Variants in IL4I1 observed in about 807,000 individuals in gnomAD.
IL4I1 encodes the protein L-amino-acid oxidase.
IL4I1 carries 24 observed loss-of-function variants against 29.7 expected under a neutral mutation model. The ratio of observed to expected loss-of-function variants is 0.81; its 90% confidence interval spans 0.59 to 1.14. IL4I1 has a LOEUF of 1.14. Among genes scored for constraint, IL4I1 ranks in the 50% most tolerant of loss-of-function variants. IL4I1 has a pLI of 0.00. For missense variants in IL4I1, 686 were observed against 785.6 expected (o/e 0.87, Z 1.52); for synonymous variants, 371 against 352.5 (o/e 1.05, Z -0.59).
intron 2 of IL4I1, among the ~76,000 whole-genome samples, chr19:49,926,882 G>T (rs1483762751): frequency 1.4e-5 from 2 of 144,908 alleles, no homozygotes; most frequent in African/African-American, 5.1e-5. Context: ...TTGAGACGAG[G>T]TCTCACTCTG....
At chr19:49,906,476 T>G (rs981390305) in intron 2 of IL4I1, among the ~76,000 whole-genome samples, 4 of 152,186 alleles carry the variant, frequency 2.6e-5, no homozygotes, top group African/African-American at 9.7e-5. Flanking sequence ...CCTCCCAAAG[T>G]GCTGGGATTA....
chr19:49,908,677 G>A (rs1450352055), intron 2 of IL4I1: 8 of 1,612,090 alleles, frequency 5.0e-6, no homozygotes, highest in East Asian at 2.2e-5. Flanking sequence ...TCTCCACCTC[G>A]CGGTGCAGGC....
At chr19:49,904,802 C>T (rs745813060) in intron 2 of IL4I1, among the ~76,000 whole-genome samples, 2 of 151,898 alleles carry the variant, frequency 1.3e-5, no homozygotes, top group Non-Finnish European at 1.5e-5. Context: ...CTCCGCCTCC[C>T]GGGTTCATGC....
upstream of IL4I1, among the ~76,000 whole-genome samples, chr19:49,898,063 A>G (rs4802635): frequency 0.57 from 86,503 of 152,166 alleles, 24,864 homozygotes; most frequent in South Asian, 0.71. Context: ...GCTCACGCCT[A>G]TAATCCCAGC....
intron 4 of IL4I1, among the ~76,000 whole-genome samples, chr19:49,894,856 C>T (rs769940805): frequency 1.3e-4 from 20 of 152,002 alleles, no homozygotes; most frequent in Non-Finnish European, 2.4e-4. Context: ...CAGGCAGGGC[C>T]AGCTGGAGGT....
At chr19:49,894,886 C>T (rs1435818682) in intron 4 of IL4I1, among the ~76,000 whole-genome samples, 182 bp downstream of exon 4, 1 of 151,882 alleles carries the variant, frequency 6.6e-6, no homozygotes, top group South Asian at 2.1e-4. Flanking sequence ...CCAGGTGGCC[C>T]GAGTGTTGCC....
rs1600459319 is a variant in IL4I1, at chr19:49,889,706, A to C, written c.1668T>G (p.Ser556=). 6.6e-6 allele frequency: 10 copies of C among 1,508,176 alleles called. No individual in the cohort carries two copies. In the South Asian group the frequency reaches 1.2e-4, roughly 18 times the overall value. The allele number at this position is 1,508,176 out of a possible 1,614,324, so 93.4% of individuals were successfully genotyped here. A position where few individuals can be genotyped will look rare whatever the true frequency, so the allele number is the denominator to read the frequency against. Residue 556 remains serine (S), a synonymous_variant, in exon 8 of 8, where the codon TCT becomes TCG. Transcript: ENST00000391826. ...GSHPPVQGQL[S]LQNTTHTRTS... ...TCCTCGTGTGGGTCGTGTTTTGGAGAGATAACTGGCCTTGGACTGGAGGGT... is the reference window on the plus strand; with the variant it reads ...TCCTCGTGTGGGTCGTGTTTTGGAGCGATAACTGGCCTTGGACTGGAGGGT...
upstream of IL4I1, among the ~76,000 whole-genome samples, chr19:49,900,787 G>T (rs1207600644): frequency 2.0e-5 from 3 of 152,206 alleles, no homozygotes; most frequent in African/African-American, 7.2e-5. Flanking sequence ...GGGTATTCTG[G>T]TTTTTTGATG....
At chr19:49,927,479 G>C (rs777760333) in intron 2 of IL4I1, among the ~76,000 whole-genome samples, 13 of 152,182 alleles carry the variant, frequency 8.5e-5, no homozygotes, top group Non-Finnish European at 1.5e-4. Context: ...GCCGCATGCA[G>C]GCCCACGGGT....
upstream of IL4I1, among the ~76,000 whole-genome samples, chr19:49,899,505 C>T (rs2075251135): frequency 6.6e-6 from 1 of 152,060 alleles, no homozygotes; most frequent in Admixed American, 6.5e-5. Flanking sequence ...CCACCTCAGC[C>T]TCCCTAGTAG....
At chr19:49,895,255 G>T in intron 3 of IL4I1, 75 bp from the exon 4 acceptor site, 2 of 1,205,318 alleles carry the variant, frequency 1.7e-6, no homozygotes, top group Non-Finnish European at 2.4e-6. Context: ...ACCACCCCGT[G>T]CCAGCCCCCT....
intron 2 of IL4I1, among the ~76,000 whole-genome samples, chr19:49,916,713 G>A (rs934986072): frequency 2.0e-5 from 3 of 151,240 alleles, no homozygotes; most frequent in African/African-American, 7.3e-5. Context: ...GCAGTAAGCC[G>A]AGATCACACC....
At chr19:49,898,793 C>T (rs998245430), upstream of IL4I1, among the ~76,000 whole-genome samples, 2 of 152,134 alleles carry the variant, frequency 1.3e-5, no homozygotes, top group African/African-American at 4.8e-5. Flanking sequence ...CGCTTGAACC[C>T]GGGAGGCAGA....
At chr19:49,902,325 A>C (rs1367844357) in intron 3 of IL4I1, among the ~76,000 whole-genome samples, 1 of 149,778 alleles carries the variant, frequency 6.7e-6, no homozygotes, top group South Asian at 2.1e-4. Flanking sequence ...AAAAACTACA[A>C]TATCATTATC....
intron 2 of IL4I1, among the ~76,000 whole-genome samples, chr19:49,920,791 C>T (rs961152929): frequency 6.6e-6 from 1 of 152,198 alleles, no homozygotes; most frequent in Admixed American, 6.5e-5. Context: ...GGGACTGAGG[C>T]ATCAGGGCTG....
At chr19:49,907,519 G>A in intron 2 of IL4I1, 1 of 433,928 alleles carries the variant, frequency 2.3e-6, no homozygotes, top group Non-Finnish European at 4.5e-6. Context: ...AAACTAGGCT[G>A]CTGTCTCCTG....
upstream of IL4I1, among the ~76,000 whole-genome samples, chr19:49,901,402 A>AC (rs1235045482): frequency 6.6e-6 from 1 of 151,924 alleles, no homozygotes; most frequent in Non-Finnish European, 1.5e-5. Flanking sequence ...AACAAAACAA[A>AC]ACAAACACAA....
intron 2 of IL4I1, among the ~76,000 whole-genome samples, chr19:49,914,727 T>TTTTG (rs1491224363): frequency 1.1e-4 from 4 of 36,188 alleles, no homozygotes; most frequent in Admixed American, 7.3e-4. Flanking sequence ...CAAGTCCCAG[T>TTTTG]TTTTTTTTTT....
chr19:49,894,221 G>A (rs1282721959), intron 5 of IL4I1, 47 bp downstream of exon 5: 1 of 1,569,674 alleles, frequency 6.4e-7, no homozygotes, highest in Admixed American at 1.8e-5. Context: ...GAGCTTAGGA[G>A]GAGGACAGAG....
Sources: gnomAD v4.1 joint callset for allele counts (sites outside exome capture counted in the v4.1 genomes callset) on GRCh38, gnomAD v4.1.1 for gene constraint, MANE v1.5 for transcripts, NCBI Gene and HGNC (gene_info 2026-07-23, HGNC 2026-07-21) for gene names.